CENPE: variants seen among roughly 807,000 people sequenced by gnomAD.
The protein encoded by CENPE is centromere protein E, also known as centromere-associated protein E.
Under a neutral mutation model 336.1 loss-of-function variants are expected in CENPE, and 145 were observed. That is an observed-to-expected ratio of 0.43 (90% CI 0.38 to 0.50). CENPE has a LOEUF of 0.50. Ranked by LOEUF, CENPE falls within the 20% of genes least tolerant of loss-of-function variation. The pLI, the probability that CENPE is intolerant of heterozygous loss-of-function variation, is 0.00. For synonymous variants in CENPE, 1,013 were observed against 984.8 expected, an observed-to-expected ratio of 1.03 and a Z score of -0.54; for missense variants, 2,719 against 3,023.3, an observed-to-expected ratio of 0.90 and a Z score of 2.36.
Position 103,120,182 on chromosome 4 carries a change from A to T in CENPE, c.7295T>A (p.Leu2432His), listed in dbSNP as rs764306851. The change falls in exon 44 of 49, where the codon CTT becomes CAT. Residue 2432 changes from leucine to histidine, a missense_variant. Coordinates refer to ENST00000265148, the MANE Select transcript of CENPE (RefSeq NM_001813.3). Reference sequence around the variant, plus strand: ...TTGAATTGTCTCTTTTGTTTTTTCAAGGCATTTATTTGATTCATGAACTTT... The same window carrying T: ...TTGAATTGTCTCTTTTGTTTTTTCATGGCATTTATTTGATTCATGAACTTT... ...QAKVHESNKC[L>H]EKTKETIQVL... 6.2e-7 allele frequency: 1 copy of T among 1,603,252 alleles called. No homozygotes were observed. The highest frequency in any genetic ancestry group is 2.2e-5 in the East Asian group (1 of 44,664).
intron 21 of CENPE, among the ~76,000 whole-genome samples, 169 bp downstream of exon 21, chr4:103,160,456 A>T (rs1754343201): frequency 6.6e-6 from 1 of 152,026 alleles, no homozygotes; most frequent in Non-Finnish European, 1.5e-5. Context: ...TAGCATAAGA[A>T]CAAATTAGAA....
Position 103,183,281 on chromosome 4 carries a change from C to T in CENPE, c.753G>A (p.Arg251=). 5 of 1,610,966 alleles carry T rather than the reference C, an allele frequency of 3.1e-6. No individual in the cohort carries two copies. The highest frequency in any genetic ancestry group is 1.7e-5 in the Admixed American group (1 of 59,588). ...GATTTATATTACAGCCTTCCTTGAGCCGCACACCTGAATTTATTAAACAAA... is the reference window on the plus strand; with the variant it reads ...GATTTATATTACAGCCTTCCTTGAGTCGCACACCTGAATTTATTAAACAAA... The part of the protein sequence containing the change: ...RAAQTGAAGV[R]LKEGCNINRS... The change falls in exon 10 of 49, where the codon CGG becomes CGA. Residue 251 remains arginine, a synonymous_variant. Transcript: ENST00000265148.
intron 24 of CENPE, among the ~76,000 whole-genome samples, chr4:103,158,050 G>A (rs1355392642): frequency 6.6e-6 from 1 of 151,794 alleles, no homozygotes; most frequent in Non-Finnish European, 1.5e-5. Context: ...TAGTAAATTT[G>A]ACATAAAATA....
At chr4:103,147,726 C>T in intron 28 of CENPE, 80 bp from the exon 29 acceptor site, 2 of 1,288,510 alleles carry the variant, frequency 1.6e-6, no homozygotes, top group Non-Finnish European at 1.1e-6. Context: ...CGGCATCTCA[C>T]TCTGTTGCCC....
intron 26 of CENPE, among the ~76,000 whole-genome samples, chr4:103,150,834 A>G (rs1753480180): frequency 6.6e-6 from 1 of 152,230 alleles, no homozygotes; most frequent in Non-Finnish European, 1.5e-5. Flanking sequence ...AGATGGTAAT[A>G]GTGATAAATC....
chr4:103,139,467 C>G (rs921421170), intron 38 of CENPE, among the ~76,000 whole-genome samples: 1 of 151,986 alleles, frequency 6.6e-6, no homozygotes, highest in African/African-American at 2.4e-5. Flanking sequence ...TATTTGCTCT[C>G]TTACAAATCT....
In CENPE at chr4:103,145,272, T is replaced by G. The variant is rs201825899; in HGVS notation, c.4635A>C (p.Glu1545Asp). The G allele has an allele frequency of 4.4e-6, 7 of 1,609,006 alleles. No individual in the cohort carries two copies. The highest frequency in any genetic ancestry group is 1.3e-5 in the African/African-American group (1 of 74,834). Residue 1545 changes from glutamate to aspartate, a missense_variant, in exon 32 of 49, where the codon GAA becomes GAC. This residue lies in a region of CENPE where 2,437 missense variants were observed against 2,513.3 expected (regional missense o/e 0.97). Coordinates refer to ENST00000265148, the MANE Select transcript of CENPE (RefSeq NM_001813.3). Reference sequence around the variant, plus strand: ...TGAATTGTTTCAGTTCATTCACTTTTTCCTGAACCTCACTAATTTGTTTTA... The same window carrying G: ...TGAATTGTTTCAGTTCATTCACTTTGTCCTGAACCTCACTAATTTGTTTTA... ...FNIKQISEVQ[E>D]KVNELKQFKE...
At chr4:103,157,404 C>T (rs1754053532) in intron 24 of CENPE, among the ~76,000 whole-genome samples, 1 of 151,876 alleles carries the variant, frequency 6.6e-6, no homozygotes, top group African/African-American at 2.4e-5. Context: ...TGGAAATTTA[C>T]TCATAAAAAG....
chr4:103,130,754 T>C (rs1560607620), intron 42 of CENPE, among the ~76,000 whole-genome samples: 5 of 152,106 alleles, frequency 3.3e-5, no homozygotes, highest in South Asian at 4.1e-4. Context: ...CCAGATTTAC[T>C]ATAAAAATCA....
chr4:103,196,941 T>G (rs1485489413), intron 1 of CENPE, 91 bp from the exon 2 acceptor site: 1 of 699,018 alleles, frequency 1.4e-6, no homozygotes, highest in Non-Finnish European at 2.6e-6. Context: ...TAAAGAATAT[T>G]TTGAAAGATA....
At chr4:103,182,474 T>A (rs1369610645) in intron 11 of CENPE, among the ~76,000 whole-genome samples, 1 of 152,230 alleles carries the variant, frequency 6.6e-6, no homozygotes, top group Non-Finnish European at 1.5e-5. Context: ...TTGATAGGAC[T>A]AATATTAAAG....
chr4:103,108,877 T>C lies in CENPE; in HGVS notation c.7937A>G (p.Asp2646Gly). Residue 2646 changes from aspartate (D) to glycine (G), a missense_variant, in exon 48 of 49, where the codon GAT becomes GGT. Around this residue, in one of 5 missense-constraint regions of CENPE, gnomAD observed 2,437 missense variants for 2,513.3 expected, o/e 0.97. Coordinates refer to ENST00000265148, the MANE Select transcript of CENPE (RefSeq NM_001813.3). ...PKESPKSCFF[D>G]SRSKSLPSPH... ...TGATGGTAAAGACTTTGATCGGCTA[T>C]CAAAAAAACAAGATTTTGGTGATTC... 3 of 1,613,948 alleles carry C rather than the reference T, an allele frequency of 1.9e-6. No individual in the cohort carries two copies. Among genetic ancestry groups the C allele is most frequent in the Non-Finnish European group, 2.5e-6 (3 of 1,179,852 alleles).
chr4:103,179,753 G>T (rs1189124082), intron 13 of CENPE, among the ~76,000 whole-genome samples: 1 of 152,126 alleles, frequency 6.6e-6, no homozygotes, highest in Non-Finnish European at 1.5e-5. Flanking sequence ...GTCAGGAAAT[G>T]ACAGATTCAA....
At chr4:103,130,701 C>A (rs1218450998) in intron 42 of CENPE, among the ~76,000 whole-genome samples, 1 of 152,102 alleles carries the variant, frequency 6.6e-6, no homozygotes, top group African/African-American at 2.4e-5. Flanking sequence ...ATAACCAACA[C>A]AATGCTGAAG....
At chr4:103,122,284 G>A (rs1049213329) in intron 43 of CENPE, among the ~76,000 whole-genome samples, 3 of 152,064 alleles carry the variant, frequency 2.0e-5, no homozygotes, top group East Asian at 3.8e-4. Flanking sequence ...CCTACAAGTC[G>A]TTTTGTGTGC....
At chr4:103,195,603 A>G (rs868791005) in intron 4 of CENPE, among the ~76,000 whole-genome samples, 1 of 152,060 alleles carries the variant, frequency 6.6e-6, no homozygotes, top group African/African-American at 2.4e-5. Flanking sequence ...CTGTTCCTTT[A>G]TAATCACTGA....
At chr4:103,176,692 C>T (rs971462994) in intron 14 of CENPE, among the ~76,000 whole-genome samples, 21 of 152,094 alleles carry the variant, frequency 1.4e-4, no homozygotes, top group African/African-American at 3.9e-4. Flanking sequence ...CCCAAGTAGC[C>T]GGGATTACAG....
chr4:103,114,402 T>C, intron 46 of CENPE, 53 bp downstream of exon 46: 2 of 1,050,586 alleles, frequency 1.9e-6, no homozygotes, highest in South Asian at 1.3e-5. Context: ...TCAAAGTCTG[T>C]TGTGTGTTGA....
chr4:103,194,259 A>G lies in CENPE; in HGVS notation c.663T>C (p.Asn221=), dbSNP rs985864005. 2 of 1,612,538 alleles carry G rather than the reference A, an allele frequency of 1.2e-6. No individual in the cohort carries two copies. Among genetic ancestry groups the G allele is most frequent in the Non-Finnish European group, 8.5e-7 (1 of 1,179,142 alleles). Residue 221 remains asparagine, a synonymous_variant, in exon 8 of 49, where the codon AAT becomes AAC. Transcript: ENST00000265148. ...LESREKGEPS[N]CEGSVKVSHL... is the part of the protein sequence containing the mutation. The stretch of plus-strand genomic sequence containing the variant: ...GGGATACCTTAACAGATCCTTCACA[A>G]TTAGAAGGTTCACCCTTCTCTCTGC...
Sources: gnomAD v4.1 joint callset for allele counts (sites outside exome capture counted in the v4.1 genomes callset) on GRCh38, gnomAD v4.1.1 for gene constraint, gnomAD v4.1.1 regional missense constraint, MANE v1.5 for transcripts, NCBI Gene and HGNC (gene_info 2026-07-23, HGNC 2026-07-21) for gene names.